SMC6: variants seen among roughly 807,000 people sequenced by gnomAD.
SMC6 encodes the protein structural maintenance of chromosomes protein 6.
Under a neutral mutation model 142.2 loss-of-function variants are expected in SMC6, and 79 were observed. The ratio of observed to expected loss-of-function variants is 0.56; its 90% CI spans 0.46 to 0.67. The LOEUF is 0.67. SMC6 is among the 30% of genes least tolerant of loss of function. The pLI is 0.00. For missense variants in SMC6, 1,072 were observed against 1,284.0 expected (o/e 0.83, Z 2.52); for synonymous variants, 411 against 412.4 (o/e 1.00, Z 0.04).
At chr2:17,732,888 C>T (rs573254273) in intron 5 of SMC6, among the ~76,000 whole-genome samples, 18 of 151,680 alleles carry the variant, frequency 1.2e-4, no homozygotes, top group African/African-American at 2.7e-4. Context: ...CTTACAGCCA[C>T]GCATATTTTA....
intron 9 of SMC6, among the ~76,000 whole-genome samples, chr2:17,723,075 C>A (rs1010145655): frequency 2.0e-5 from 3 of 151,254 alleles, no homozygotes; most frequent in Admixed American, 6.6e-5. Flanking sequence ...TCTCAATAAA[C>A]TTACTGTACT....
intron 25 of SMC6, among the ~76,000 whole-genome samples, chr2:17,677,789 T>G (rs1255493786): frequency 9.9e-5 from 15 of 152,162 alleles, no homozygotes; most frequent in Admixed American, 9.8e-4. Flanking sequence ...GAGTTACCCA[T>G]GATCTACCAG....
chr2:17,696,148 C>T, intron 22 of SMC6, 141 bp downstream of exon 22: 2 of 1,027,208 alleles, frequency 1.9e-6, no homozygotes, highest in African/African-American at 1.6e-5. Flanking sequence ...TCTGTTGATT[C>T]ACCCAAACAC....
chr2:17,670,638 T>C lies in SMC6; in HGVS notation c.2911-63A>G. On this transcript the variant is annotated intron_variant, in intron 25 of 27. Coordinates refer to ENST00000448223, the MANE Select transcript of SMC6 (RefSeq NM_001142286.2). ...GTAAATGAAAGGCCAGATTAAATTCTTTACAAGACAGATAAATAATAGATT... is the reference window on the plus strand; with the variant it reads ...GTAAATGAAAGGCCAGATTAAATTCCTTACAAGACAGATAAATAATAGATT... 2 of 1,395,092 alleles carry C rather than the reference T, an allele frequency of 1.4e-6. 1 individual carries two copies. The highest frequency in any genetic ancestry group is 3.0e-5 in the South Asian group (2 of 66,810). The allele number at this position is 1,395,092 out of a possible 1,614,324, so 86.4% of individuals were successfully genotyped here.
At chr2:17,739,879 AACACACACACACACACACACACACACAC>A (rs60784309) in intron 4 of SMC6, among the ~76,000 whole-genome samples, 1 of 115,456 alleles carries the variant, frequency 8.7e-6, no homozygotes, top group African/African-American at 3.3e-5. Flanking sequence ...GAATATGGTA[AACACACACACACACACACACACACACAC>A]ACACACACAC....
At chr2:17,746,075 AT>A in intron 2 of SMC6, 124 bp from the exon 3 acceptor site, 1 of 950,382 alleles carries the variant, frequency 1.1e-6, no homozygotes, top group Non-Finnish European at 1.4e-6. Flanking sequence ...TACCTTAAAA[AT>A]TAAAGTAAAT....
At position 17,745,891 on chromosome 2, in the gene SMC6, C is replaced by T; in HGVS notation, c.56G>A (p.Arg19Lys). The T allele has an allele frequency of 6.2e-7, 1 of 1,612,830 alleles. No homozygotes were observed. The highest frequency in any genetic ancestry group is 8.5e-7 in the Non-Finnish European group (1 of 1,179,510). ...ATCAAAATCCTCCAATTCTTCTTGT[C>T]TTGGCCTTTTGGCATTTTTAGGAGA... Reference protein sequence around the residue: ...FSSPKNAKRPRQEELEDFDKD... With the variant: ...FSSPKNAKRPKQEELEDFDKD... Residue 19 changes from arginine (R) to lysine (K), a missense_variant, in exon 3 of 28, where the codon AGA becomes AAA. Arg to Lys is a conservative substitution (Grantham distance 26). Around this residue, in one of 3 missense-constraint regions of SMC6, gnomAD observed 994 missense variants for 1,153.2 expected, o/e 0.86. Transcript: ENST00000448223.
chr2:17,749,266 C>A (rs1344566923), intron 2 of SMC6, among the ~76,000 whole-genome samples: 6 of 151,958 alleles, frequency 3.9e-5, no homozygotes, highest in African/African-American at 1.2e-4. Flanking sequence ...CCATAAAGCT[C>A]GTCATAGTTT....
In SMC6 at chr2:17,670,481, G is replaced by T. The variant is rs1293428155; in HGVS notation, c.3005C>A (p.Ser1002Tyr). 1 of 1,613,426 alleles carries T rather than the reference G, an allele frequency of 6.2e-7. No individual in the cohort carries two copies. Among genetic ancestry groups the T allele is most frequent in the Non-Finnish European group, 8.5e-7 (1 of 1,179,762 alleles). The change falls in exon 26 of 28, where the codon TCC (serine) becomes TAC (tyrosine). Residue 1002 changes from serine (S) to tyrosine (Y), a missense_variant. Around this residue, in one of 3 missense-constraint regions of SMC6, gnomAD observed 76 missense variants for 112.3 expected, o/e 0.68. Coordinates refer to ENST00000448223, the MANE Select transcript of SMC6 (RefSeq NM_001142286.2). Reference protein sequence around the residue: ...RSFSTVCFILSLWSIAESPFR... With the variant: ...RSFSTVCFILYLWSIAESPFR... ...AGGAGATTCTGCGATGGACCACAGG[G>T]AAAGAATAAAACACACTGTGGAGAA...
intron 16 of SMC6, among the ~76,000 whole-genome samples, chr2:17,711,500 AT>A (rs1005063871): frequency 6.6e-6 from 1 of 152,064 alleles, no homozygotes; most frequent in African/African-American, 2.4e-5. Flanking sequence ...GGACAAAATG[AT>A]TTTTTTTCAT....
At chr2:17,708,603 A>G in intron 17 of SMC6, 36 bp downstream of exon 17, 1 of 1,135,828 alleles carries the variant, frequency 8.8e-7, no homozygotes, top group East Asian at 2.8e-5. Context: ...AAATTTAACA[A>G]TAACATCAAA....
chr2:17,736,386 C>T (rs1429574400), intron 5 of SMC6, among the ~76,000 whole-genome samples: 1 of 152,056 alleles, frequency 6.6e-6, no homozygotes. Flanking sequence ...ATTCAGAGGA[C>T]AGGTCTCAGA....
At chr2:17,697,540 A>G (rs1668063026) in intron 21 of SMC6, among the ~76,000 whole-genome samples, 1 of 152,132 alleles carries the variant, frequency 6.6e-6, no homozygotes, top group Non-Finnish European at 1.5e-5. Context: ...AAACGGGCAA[A>G]GATTTAAAAA....
intron 4 of SMC6, among the ~76,000 whole-genome samples, chr2:17,740,282 C>T (rs913220897): frequency 1.3e-5 from 2 of 152,158 alleles, no homozygotes; most frequent in Non-Finnish European, 2.9e-5. Flanking sequence ...CACTTTCTTC[C>T]TGACTGAATG....
rs1376733123 is a variant in SMC6, at chr2:17,672,630, CTT to C, written c.2911-2057_2911-2056del. ...CTGATTTTAATCACCCAAAATCACT[CTT>C]AACAGTTTCTGAACTTCATATGTAG... On this transcript the variant is annotated intron_variant, in intron 25 of 27. Transcript: ENST00000448223. Among the ~76,000 whole-genome samples the C allele has an allele frequency of 3.3e-5, 5 of 152,280 alleles. No individual in the cohort carries two copies. In the East Asian group the frequency reaches 7.7e-4, roughly 24 times the overall value.
chr2:17,685,254 ATTT>A (rs1448996890), intron 23 of SMC6, among the ~76,000 whole-genome samples: 1 of 152,132 alleles, frequency 6.6e-6, no homozygotes, highest in African/African-American at 2.4e-5. Flanking sequence ...AATTCAACAA[ATTT>A]TTTAAGAACT....
intron 2 of SMC6, among the ~76,000 whole-genome samples, chr2:17,747,748 C>A (rs967494899): frequency 6.6e-6 from 1 of 152,136 alleles, no homozygotes; most frequent in Non-Finnish European, 1.5e-5. Context: ...AAGTGATCTG[C>A]CCACCTCGGC....
intron 11 of SMC6, among the ~76,000 whole-genome samples, chr2:17,720,461 C>T (rs909863270): frequency 6.6e-6 from 1 of 152,222 alleles, no homozygotes; most frequent in African/African-American, 2.4e-5. Context: ...AATCCTCTGA[C>T]ATGCCATCTT....
intron 9 of SMC6, among the ~76,000 whole-genome samples, chr2:17,724,118 A>C: frequency 1.3e-5 from 2 of 152,162 alleles, no homozygotes; most frequent in South Asian, 4.1e-4. Flanking sequence ...AATTATATTA[A>C]AAATAATAAA....
Sources: allele counts gnomAD v4.1 joint callset (sites outside exome capture counted in the v4.1 genomes callset), GRCh38; gene constraint gnomAD v4.1.1; regional missense constraint gnomAD v4.1.1; transcripts MANE v1.5; gene names NCBI Gene and HGNC (gene_info 2026-07-23, HGNC 2026-07-21).